Variants in SENP5 observed in about 807,000 individuals in gnomAD.
The protein encoded by SENP5 is SUMO specific peptidase 5, also known as sentrin-specific protease 5.
In SENP5, 21 loss-of-function variants were observed where a neutral mutation model predicts 74.2. The observed-to-expected ratio is 0.28, with a 90% CI of 0.20 to 0.41. The LOEUF (loss-of-function observed/expected upper bound fraction) is 0.41. SENP5 is among the 10% of genes least tolerant of loss of function. SENP5 has a pLI of 1.00. For missense variants in SENP5, 717 were observed against 889.1 expected (o/e 0.81, Z 2.46); for synonymous variants, 311 against 312.7 (o/e 0.99, Z 0.06).
chr3:196,914,238 A>G (rs1715257900), intron 6 of SENP5: 1 of 152,154 alleles, frequency 6.6e-6, no homozygotes, highest in African/African-American at 2.4e-5. Context: ...GCAGATGTAG[A>G]TAATACCCAA....
In SENP5 at chr3:196,908,077, T is replaced by C. The variant is rs776759111; in HGVS notation, c.1884+4467T>C. ...GGGAGGATTGCTTGAGCCCAAGAGT[T>C]TCAAATCAGCCTAGGCAACCAAGCG... On this transcript the variant is annotated intron_variant, in intron 6 of 9. Transcript: ENST00000323460. Among the ~76,000 whole-genome samples the C allele has an allele frequency of 5.0e-4, 76 of 152,056 alleles. 1 individual carries two copies. The highest frequency in any genetic ancestry group is 9.9e-4 in the Non-Finnish European group (67 of 67,982).
chr3:196,875,531 C>T (rs768289419), intron 1 of SENP5, among the ~76,000 whole-genome samples: 2 of 152,106 alleles, frequency 1.3e-5, no homozygotes, highest in East Asian at 3.8e-4. Context: ...CCCTTCCGTG[C>T]CTCTAAGTGT....
intron 6 of SENP5, among the ~76,000 whole-genome samples, chr3:196,919,260 T>C (rs1032442472): frequency 4.6e-5 from 7 of 152,126 alleles, no homozygotes; most frequent in Admixed American, 1.3e-4. Context: ...GTGGGTGGAT[T>C]ACTTGAGGTC....
At chr3:196,895,102 C>T (rs1714384908) in intron 2 of SENP5, among the ~76,000 whole-genome samples, 1 of 152,066 alleles carries the variant, frequency 6.6e-6, no homozygotes, top group Non-Finnish European at 1.5e-5. Flanking sequence ...CCTCATTCCA[C>T]ATCCAGGGTG....
In SENP5 at chr3:196,885,261, G is replaced by T. The variant is rs1046116771; in HGVS notation, c.80G>T (p.Gly27Val). 1 of 1,614,096 alleles carries T rather than the reference G, an allele frequency of 6.2e-7. No homozygotes were observed. Among genetic ancestry groups the T allele is most frequent in the South Asian group, 1.1e-5 (1 of 91,076 alleles). The change falls in exon 2 of 10, where the codon GGC becomes GTC. Residue 27 changes from glycine (G) to valine (V), a missense_variant. By Grantham distance (109) the Gly-to-Val change is moderately radical (BLOSUM62 -3). Transcript: ENST00000323460. ...FSEKWNTGFGGFKKFYFHQHL... is the reference protein window; with the variant it reads ...FSEKWNTGFGVFKKFYFHQHL... Reference sequence around the variant, plus strand: ...GAGAAATGGAATACTGGGTTTGGAGGCTTTAAGAAGTTTTATTTTCACCAA... The same window carrying T: ...GAGAAATGGAATACTGGGTTTGGAGTCTTTAAGAAGTTTTATTTTCACCAA...
chr3:196,878,444 A>G (rs1022818166), intron 1 of SENP5, among the ~76,000 whole-genome samples: 4 of 152,144 alleles, frequency 2.6e-5, no homozygotes, highest in African/African-American at 9.7e-5. Context: ...GTGGAAATCT[A>G]TATGCTGAAG....
In SENP5 at chr3:196,931,772, A is replaced by C. The variant is rs1397910911; in HGVS notation, c.*849A>C. 1 of 320,012 alleles carries C rather than the reference A, an allele frequency of 3.1e-6. No homozygotes were observed. Among genetic ancestry groups the C allele is most frequent in the Non-Finnish European group, 6.2e-6 (1 of 162,066 alleles). 19.8% of individuals were successfully genotyped at this position (320,012 alleles called of 1,614,324 possible). A position where few individuals can be genotyped will look rare whatever the true frequency, so the allele number is the denominator to read the frequency against. On this transcript the variant is annotated 3_prime_UTR_variant, in exon 10 of 10. Transcript: ENST00000323460. ...AACAAATGAGAATGCAGCTGTTCTC[A>C]GAGTAATTTTTAAGTTGTCATTTCC... is the stretch of plus-strand genomic sequence containing the variant.
Position 196,929,699 on chromosome 3 carries a change from C to G in SENP5, c.2157+16C>G, listed in dbSNP as rs369629047. The G allele has an allele frequency of 1.3e-6, 2 of 1,578,346 alleles. No individual in the cohort carries two copies. The highest frequency in any genetic ancestry group is 1.1e-5 in the South Asian group (1 of 89,716). On this transcript the variant is annotated intron_variant, in intron 9 of 9. Coordinates refer to ENST00000323460, the MANE Select transcript of SENP5 (RefSeq NM_152699.5). ...TGTGCTCCAGGTAAAGAAACACTTG[C>G]TTTTCGGAACTTACAATGTGTGAAT...
intron 2 of SENP5, among the ~76,000 whole-genome samples, chr3:196,896,725 G>A (rs113411659): frequency 0.22 from 34,057 of 152,052 alleles, 3,965 homozygotes; most frequent in African/African-American, 0.28. Flanking sequence ...GGGATTACAG[G>A]CATGAGCCAC....
intron 1 of SENP5, among the ~76,000 whole-genome samples, chr3:196,873,512 TG>T (rs1188492918): frequency 6.6e-6 from 1 of 152,142 alleles, no homozygotes; most frequent in Admixed American, 6.5e-5. Context: ...TGTATTTCAC[TG>T]TAGGTAAATT....
intron 7 of SENP5, among the ~76,000 whole-genome samples, chr3:196,926,742 G>T (rs1385928621): frequency 6.7e-6 from 1 of 149,914 alleles, no homozygotes; most frequent in Non-Finnish European, 1.5e-5. Flanking sequence ...GGGTTCAAGC[G>T]ATTCTCATGT....
At chr3:196,904,804 A>G (rs1317328412) in intron 6 of SENP5, 1 of 152,224 alleles carries the variant, frequency 6.6e-6, no homozygotes, top group Non-Finnish European at 1.5e-5. Flanking sequence ...AAAATTAAAT[A>G]AAAAATAAAA....
At position 196,931,769 on chromosome 3, in the gene SENP5, C is replaced by T. The variant is rs148707946; in HGVS notation, c.*846C>T. 1,976 of 318,720 alleles carry T rather than the reference C, an allele frequency of 6.2e-3. 25 individuals carry two copies. The highest frequency in any genetic ancestry group is 0.031 in the African/African-American group (1,364 of 44,498). 19.7% of individuals were successfully genotyped at this position (318,720 alleles called of 1,614,324 possible). On this transcript the variant is annotated 3_prime_UTR_variant, in exon 10 of 10. Coordinates refer to ENST00000323460, the MANE Select transcript of SENP5 (RefSeq NM_152699.5). ...TCAAACAAATGAGAATGCAGCTGTT[C>T]TCAGAGTAATTTTTAAGTTGTCATT...
At chr3:196,923,139 A>C (rs1336403926) in intron 6 of SENP5, among the ~76,000 whole-genome samples, 1 of 152,248 alleles carries the variant, frequency 6.6e-6, no homozygotes, top group Non-Finnish European at 1.5e-5. Context: ...TGAGGTAAAC[A>C]AGGAGCCAAG....
chr3:196,900,655 G>A (rs754499113), intron 5 of SENP5, among the ~76,000 whole-genome samples: 3 of 151,962 alleles, frequency 2.0e-5, no homozygotes, highest in Non-Finnish European at 2.9e-5. Flanking sequence ...GCGTGATCTC[G>A]GCTCATTGCA....
intron 6 of SENP5, among the ~76,000 whole-genome samples, chr3:196,906,555 G>A (rs1220603782): frequency 2.0e-5 from 3 of 152,292 alleles, no homozygotes; most frequent in Non-Finnish European, 2.9e-5. Context: ...GTTTCTCATA[G>A]GAAGTAATAT....
In SENP5 at chr3:196,933,013, G is replaced by GGTTTTT. The variant is rs1716095797; in HGVS notation, c.*2090_*2091insGTTTTT. The GGTTTTT allele has an allele frequency of 1.8e-5, 2 of 112,182 alleles. No individual in the cohort carries two copies. Among genetic ancestry groups the GGTTTTT allele is most frequent in the East Asian group, 3.1e-4 (1 of 3,180 alleles). 6.9% of individuals were successfully genotyped at this position (112,182 alleles called of 1,614,324 possible). A position where few individuals can be genotyped will look rare whatever the true frequency, so the allele number is the denominator to read the frequency against. Reference sequence around the variant, plus strand: ...GGCTTAGACTAAATGTTGAGTTTGGGTTTTTTGTTTTTTTTTTTTTTTGAG... The same window carrying GGTTTTT: ...GGCTTAGACTAAATGTTGAGTTTGGGGTTTTTTTTTTTGTTTTTTTTTTTTTTTGAG... On this transcript the variant is annotated 3_prime_UTR_variant, in exon 10 of 10. Coordinates refer to ENST00000323460, the MANE Select transcript of SENP5 (RefSeq NM_152699.5).
intron 1 of SENP5, among the ~76,000 whole-genome samples, chr3:196,883,597 C>T (rs1205469722): frequency 2.0e-5 from 3 of 152,074 alleles, no homozygotes; most frequent in Admixed American, 1.3e-4. Context: ...TTTGAGCCAG[C>T]GTTTCCTTTT....
intron 1 of SENP5, among the ~76,000 whole-genome samples, chr3:196,882,012 T>C (rs910113369): frequency 5.3e-5 from 8 of 151,600 alleles, no homozygotes; most frequent in Admixed American, 5.3e-4. Flanking sequence ...TTCTCGTGTC[T>C]CAGCCTCCCG....
Sources: allele counts gnomAD v4.1 joint callset (sites outside exome capture counted in the v4.1 genomes callset), GRCh38; gene constraint gnomAD v4.1.1; transcripts MANE v1.5; gene names NCBI Gene and HGNC (gene_info 2026-07-23, HGNC 2026-07-21).